ERP27: variants seen among roughly 807,000 people sequenced by gnomAD.
ERP27 encodes the protein endoplasmic reticulum protein 27.
A neutral mutation model predicts 27.7 loss-of-function variants in ERP27; 23 were observed. The ratio of observed to expected loss-of-function variants is 0.83; its 90% CI spans 0.60 to 1.18. The LOEUF is 1.18. ERP27 is among the 50% of genes most tolerant of loss of function. The pLI is 0.00. For missense variants in ERP27, 363 were observed against 327.9 expected, an observed-to-expected ratio of 1.11 and a Z score of -0.83; for synonymous variants, 159 against 118.3, an observed-to-expected ratio of 1.34 and a Z score of -2.23.
rs144837404 is a variant in ERP27 at position 14,925,946 on chromosome 12, G to A, written c.334-4898C>T. On this transcript the variant is annotated intron_variant, in intron 3 of 6. Coordinates refer to ENST00000266397, the MANE Select transcript of ERP27 (RefSeq NM_152321.4). ...TAGCCGGGCATGGTGGCATGCACCT[G>A]TTGTCCCAGGTACTCAGGAGGCTGA... Among the ~76,000 whole-genome samples, 1,085 of 152,084 alleles carry A rather than the reference G, an allele frequency of 7.1e-3. 23 individuals carry two copies. The highest frequency in any genetic ancestry group is 0.033 in the East Asian group (171 of 5,158).
chr12:14,933,317 G>A (rs150270676), intron 3 of ERP27, among the ~76,000 whole-genome samples: 11 of 152,272 alleles, frequency 7.2e-5, no homozygotes, highest in African/African-American at 2.6e-4. Flanking sequence ...GGAGGATCAG[G>A]AGAAGTAGTT....
chr12:14,923,515 C>CTATCTATCTA (rs1863545686), intron 3 of ERP27, among the ~76,000 whole-genome samples: 3 of 151,598 alleles, frequency 2.0e-5, no homozygotes, highest in African/African-American at 7.3e-5. Flanking sequence ...ATCTATCTAT[C>CTATCTATCTA]TATCTATCTA....
chr12:14,938,265 T>A, intron 1 of ERP27, 150 bp downstream of exon 1: 1 of 849,106 alleles, frequency 1.2e-6, no homozygotes, highest in East Asian at 2.5e-5. Flanking sequence ...CAGACTTCCC[T>A]ACTCTCTACC....
intron 3 of ERP27, among the ~76,000 whole-genome samples, chr12:14,928,582 C>T (rs780468054): frequency 6.6e-6 from 1 of 152,126 alleles, no homozygotes; most frequent in Admixed American, 6.6e-5. Context: ...ACAATTTAAG[C>T]ACTCTTTATT....
In ERP27 at chr12:14,920,992, G is replaced by A. The variant is rs765302409; in HGVS notation, c.390C>T (p.Thr130=). 1 of 1,614,086 alleles carries A rather than the reference G, an allele frequency of 6.2e-7. No homozygotes were observed. Among genetic ancestry groups the A allele is most frequent in the Non-Finnish European group, 8.5e-7 (1 of 1,179,986 alleles). Residue 130 remains threonine, a synonymous_variant, in exon 4 of 7, where the codon ACC becomes ACT. Transcript: ENST00000266397. Reference sequence around the variant, plus strand: ...TGATCTCAATGAAACGGCTCAATTTGGTGGCATCAATGCTTTCAATGTCTT... The same window carrying A: ...TGATCTCAATGAAACGGCTCAATTTAGTGGCATCAATGCTTTCAATGTCTT... ...EDEDIESIDA[T]KLSRFIEINS...
intron 3 of ERP27, 91 bp downstream of exon 3, chr12:14,934,765 A>G: frequency 6.7e-7 from 1 of 1,500,374 alleles, no homozygotes; most frequent in Non-Finnish European, 9.1e-7. Flanking sequence ...ATTAGTGTAA[A>G]AGACATAGAG....
intron 3 of ERP27, among the ~76,000 whole-genome samples, chr12:14,934,179 T>A (rs554268990): frequency 1.3e-5 from 2 of 152,352 alleles, no homozygotes; most frequent in South Asian, 4.1e-4. Flanking sequence ...CTGAGTTTTT[T>A]CCCGTTGGCC....
intron 3 of ERP27, among the ~76,000 whole-genome samples, chr12:14,926,606 G>A (rs1461026275): frequency 2.6e-5 from 4 of 151,666 alleles, no homozygotes; most frequent in South Asian, 2.1e-4. Flanking sequence ...ATTCTCTCAG[G>A]GATTGCCAGA....
At chr12:14,925,555 G>A (rs556472071) in intron 3 of ERP27, among the ~76,000 whole-genome samples, 30 of 152,044 alleles carry the variant, frequency 2.0e-4, no homozygotes, top group Non-Finnish European at 3.7e-4. Flanking sequence ...TTATTTAGAA[G>A]TGTATTTCTT....
At chr12:14,915,428 A>T in intron 6 of ERP27, 61 bp downstream of exon 6, 2 of 1,561,444 alleles carry the variant, frequency 1.3e-6, no homozygotes, top group Non-Finnish European at 1.8e-6. Flanking sequence ...TTCTTATTCA[A>T]CTGGAAATAA....
chr12:14,924,906 T>C (rs1863575533), intron 3 of ERP27, among the ~76,000 whole-genome samples: 1 of 152,238 alleles, frequency 6.6e-6, no homozygotes, highest in African/African-American at 2.4e-5. Flanking sequence ...GTGAGGAGCA[T>C]GACCTCTGGT....
At chr12:14,922,662 A>C (rs1863523578) in intron 3 of ERP27, among the ~76,000 whole-genome samples, 1 of 152,166 alleles carries the variant, frequency 6.6e-6, no homozygotes, top group South Asian at 2.1e-4. Flanking sequence ...TTTTGTTTTA[A>C]GAAATCTTTG....
Position 14,935,491 on chromosome 12 carries a change from A to G in ERP27, c.196-498T>C, listed in dbSNP as rs1863760796. 2.0e-5 allele frequency among the ~76,000 whole-genome samples: 3 copies of G among 152,236 alleles called. No homozygotes were observed. The East Asian group carries it at 5.8e-4, about 29-fold the overall frequency. ...TAATAGGCAAAAATAGGAGTTATAT[A>G]GTTTTTAAAACTAACTCTGGGATTA... is the stretch of plus-strand genomic sequence containing the variant. On this transcript the variant is annotated intron_variant, in intron 2 of 6. Coordinates refer to ENST00000266397, the MANE Select transcript of ERP27 (RefSeq NM_152321.4).
intron 3 of ERP27, chr12:14,928,821 C>T (rs1261583486): frequency 5.3e-6 from 5 of 945,170 alleles, no homozygotes; most frequent in African/African-American, 3.3e-5. Context: ...AGATCCTTGC[C>T]CACCCTCCTA....
At chr12:14,914,913 C>T (rs1266392455) in intron 6 of ERP27, 131 bp from the exon 7 acceptor site, 2 of 699,230 alleles carry the variant, frequency 2.9e-6, no homozygotes, top group Non-Finnish European at 4.7e-6. Flanking sequence ...CCCATTAATG[C>T]TTTACACTAA....
intron 3 of ERP27, among the ~76,000 whole-genome samples, chr12:14,927,347 G>GTGTA (rs1863619070): frequency 6.7e-6 from 1 of 149,840 alleles, no homozygotes; most frequent in African/African-American, 2.4e-5. Flanking sequence ...GTGTGTGTGT[G>GTGTA]TATATATATA....
At chr12:14,934,814 G>C in intron 3 of ERP27, 42 bp downstream of exon 3, 1 of 1,612,446 alleles carries the variant, frequency 6.2e-7, no homozygotes, top group Non-Finnish European at 8.5e-7. Flanking sequence ...CCACAACCCA[G>C]TGAAAATCTG....
intron 4 of ERP27, among the ~76,000 whole-genome samples, chr12:14,919,975 G>GA (rs2120556260): frequency 6.6e-6 from 1 of 152,280 alleles, no homozygotes; most frequent in Non-Finnish European, 1.5e-5. Context: ...AGGATTGAAT[G>GA]AAAAAATGAG....
At chr12:14,917,832 A>G (rs1038648683) in intron 4 of ERP27, among the ~76,000 whole-genome samples, 1 of 152,196 alleles carries the variant, frequency 6.6e-6, no homozygotes, top group African/African-American at 2.4e-5. Context: ...AACCAGAAGC[A>G]CCTAGCCCTA....
Sources: allele counts gnomAD v4.1 joint callset (sites outside exome capture counted in the v4.1 genomes callset), GRCh38; gene constraint gnomAD v4.1.1; transcripts MANE v1.5; gene names NCBI Gene and HGNC (gene_info 2026-07-23, HGNC 2026-07-21).